Variants in TMEM255B observed in about 807,000 individuals in gnomAD.
The protein encoded by TMEM255B is family with sequence similarity 70, member B.
In TMEM255B, 35 loss-of-function variants were observed where a neutral mutation model predicts 34.5. That is an observed-to-expected ratio of 1.01 (90% CI 0.77 to 1.34). The LOEUF (loss-of-function observed/expected upper bound fraction) is 1.34. Among genes scored for constraint, TMEM255B ranks in the 40% most tolerant of loss-of-function variants. TMEM255B has a pLI of 0.00. For missense variants in TMEM255B, 432 were observed against 433.2 expected (o/e 1.00, Z 0.02); for synonymous variants, 206 against 201.2 (o/e 1.02, Z -0.20).
chr13:113,786,501 CCATCACCAT>C (rs1236806553), intron 3 of TMEM255B, among the ~76,000 whole-genome samples: 3 of 147,832 alleles, frequency 2.0e-5, no homozygotes, highest in Non-Finnish European at 4.5e-5. Context: ...ACCATCATCA[CCATCACCAT>C]CATCACCATT....
In TMEM255B at chr13:113,780,348, T is replaced by C. The variant is rs932607455; in HGVS notation, c.252+11188T>C. On this transcript the variant is annotated intron_variant, in intron 3 of 8. Coordinates refer to ENST00000375353, the MANE Select transcript of TMEM255B (RefSeq NM_182614.4). The stretch of plus-strand genomic sequence containing the variant: ...TGTTACAAAAGAAAACAGATTCTTA[T>C]TGCACTTATGCAAATCACTATATTG... 7.9e-5 allele frequency among the ~76,000 whole-genome samples: 12 copies of C among 152,262 alleles called. No homozygotes were observed. The East Asian group carries it at 1.9e-3, about 24-fold the overall frequency.
At chr13:113,775,368 G>T (rs2050559104) in intron 3 of TMEM255B, among the ~76,000 whole-genome samples, 1 of 152,252 alleles carries the variant, frequency 6.6e-6, no homozygotes. Flanking sequence ...TGTCGTGGGA[G>T]CCCCATCAGC....
intron 3 of TMEM255B, among the ~76,000 whole-genome samples, chr13:113,784,938 G>T (rs1372771373): frequency 6.6e-6 from 1 of 152,236 alleles, no homozygotes; most frequent in Admixed American, 6.5e-5. Flanking sequence ...CCATCAAAGA[G>T]AGGTTTATTT....
At chr13:113,778,112 C>T (rs565742072) in intron 3 of TMEM255B, among the ~76,000 whole-genome samples, 19 of 152,296 alleles carry the variant, frequency 1.2e-4, no homozygotes, top group African/African-American at 3.4e-4. Context: ...GAGGAAGGCT[C>T]GGAACAAGCT....
intron 8 of TMEM255B, among the ~76,000 whole-genome samples, chr13:113,807,607 G>A (rs1261576423): frequency 9.3e-6 from 1 of 107,296 alleles, no homozygotes; most frequent in Admixed American, 1.1e-4. Flanking sequence ...TGTCACACGT[G>A]GGCTTACGGG....
At chr13:113,782,427 A>G (rs1406081373) in intron 3 of TMEM255B, among the ~76,000 whole-genome samples, 1 of 152,244 alleles carries the variant, frequency 6.6e-6, no homozygotes, top group Non-Finnish European at 1.5e-5. Context: ...AATTATTTTA[A>G]TCACTTGCCT....
chr13:113,804,716 G>A (rs958301065), intron 7 of TMEM255B, among the ~76,000 whole-genome samples, 169 bp from the exon 8 acceptor site: 6 of 145,664 alleles, frequency 4.1e-5, no homozygotes, highest in Admixed American at 2.8e-4. Context: ...GGGTATAAAC[G>A]CACGCCGGGC....
intron 3 of TMEM255B, among the ~76,000 whole-genome samples, chr13:113,772,374 T>G (rs1325032965): frequency 6.6e-6 from 1 of 152,236 alleles, no homozygotes; most frequent in Non-Finnish European, 1.5e-5. Context: ...CTTTTGTTGT[T>G]CATGCTTTTG....
At chr13:113,808,794 G>GGT (rs1555302342) in intron 8 of TMEM255B, among the ~76,000 whole-genome samples, 1 of 102,986 alleles carries the variant, frequency 9.7e-6, no homozygotes, top group African/African-American at 4.3e-5. Flanking sequence ...GTGGTTCCTG[G>GGT]GGGGGGGGTT....
chr13:113,786,976 A>G (rs1474151509), intron 3 of TMEM255B, among the ~76,000 whole-genome samples: 1 of 152,238 alleles, frequency 6.6e-6, no homozygotes, highest in African/African-American at 2.4e-5. Flanking sequence ...GCATGCCTTC[A>G]CACAGGAGAC....
chr13:113,763,065 A>G (rs2050333633), intron 1 of TMEM255B, among the ~76,000 whole-genome samples: 1 of 152,202 alleles, frequency 6.6e-6, no homozygotes, highest in Admixed American at 6.5e-5. Context: ...TGAAGCGGGA[A>G]TTGTGTGAGT....
intron 5 of TMEM255B, chr13:113,800,193 GT>G (rs142564681): frequency 0.24 from 13,346 of 55,894 alleles, 3,291 homozygotes; most frequent in East Asian, 0.59. Context: ...GTGTGTGTGT[GT>G]GGGGGGGGGT....
At position 113,786,260 on chromosome 13, in the gene TMEM255B, A is replaced by G. The variant is rs375753283; in HGVS notation, c.253-8888A>G. Reference sequence around the variant, plus strand: ...TCATTGCCATCATCACCATCCTGTCATCACTGTCATCACCATTGTCACCAT... The same window carrying G: ...TCATTGCCATCATCACCATCCTGTCGTCACTGTCATCACCATTGTCACCAT... On this transcript the variant is annotated intron_variant, in intron 3 of 8. Coordinates refer to ENST00000375353, the MANE Select transcript of TMEM255B (RefSeq NM_182614.4). 4.6e-4 allele frequency among the ~76,000 whole-genome samples: 69 copies of G among 149,610 alleles called. No homozygotes were observed. The East Asian group carries it at 0.011, about 23-fold the overall frequency.
intron 1 of TMEM255B, among the ~76,000 whole-genome samples, chr13:113,765,773 A>C (rs1187654707): frequency 6.6e-6 from 1 of 152,212 alleles, no homozygotes; most frequent in South Asian, 2.1e-4. Flanking sequence ...TAAACAAAAG[A>C]TGCTCCTGTC....
Position 113,811,889 on chromosome 13 carries a change from C to G in TMEM255B, c.967C>G (p.Pro323Ala). ...CTTTCCCCCGGGGGAGAAGCCACCC[C>G]CCTACGCACCCTGATAGAGGCGTGG... is the stretch of plus-strand genomic sequence containing the variant. ...TYFPPGEKPP[P>A]YAP Residue 323 changes from proline (P) to alanine (A), a missense_variant, in exon 9 of 9, where the codon CCC (proline) becomes GCC (alanine). Pro to Ala is a conservative substitution (Grantham distance 27). Coordinates refer to ENST00000375353, the MANE Select transcript of TMEM255B (RefSeq NM_182614.4). 1 of 1,610,110 alleles carries G rather than the reference C, an allele frequency of 6.2e-7. No homozygotes were observed. The highest frequency in any genetic ancestry group is 8.5e-7 in the Non-Finnish European group (1 of 1,178,364).
intron 8 of TMEM255B, 102 bp from the exon 9 acceptor site, chr13:113,811,634 G>C (rs976366964): frequency 2.4e-5 from 33 of 1,396,562 alleles, no homozygotes; most frequent in Non-Finnish European, 3.1e-5. Flanking sequence ...TGGCGGGGTG[G>C]GTGGGGAGCG....
At chr13:113,768,103 G>A (rs746523029) in intron 2 of TMEM255B, 65 of 434,716 alleles carry the variant, frequency 1.5e-4, no homozygotes, top group Non-Finnish European at 3.0e-4. Context: ...TTGACACCAC[G>A]GCCCCAGCAA....
rs9604528 is a variant in TMEM255B at position 113,767,568 on chromosome 13, C to G, written c.189+1311C>G. 5.7e-3 allele frequency among the ~76,000 whole-genome samples: 871 copies of G among 152,324 alleles called. 10 individuals carry two copies. Among genetic ancestry groups the G allele is most frequent in the African/African-American group, 0.02 (840 of 41,574 alleles). On this transcript the variant is annotated intron_variant, in intron 2 of 8. Coordinates refer to ENST00000375353, the MANE Select transcript of TMEM255B (RefSeq NM_182614.4). ...AATGAAAAACATCAATGGCTAATGC[C>G]CAAGCTATGCTCTGTAAAGAATCTA...
chr13:113,810,766 A>G (rs1031099935), intron 8 of TMEM255B, among the ~76,000 whole-genome samples: 13 of 152,204 alleles, frequency 8.5e-5, no homozygotes, highest in East Asian at 3.9e-4. Context: ...AAGGGTGTCA[A>G]TCACACCTGA....
Sources: allele counts gnomAD v4.1 joint callset (sites outside exome capture counted in the v4.1 genomes callset), GRCh38; gene constraint gnomAD v4.1.1; transcripts MANE v1.5; gene names NCBI Gene and HGNC (gene_info 2026-07-23, HGNC 2026-07-21).